TEKT1: variants seen among roughly 807,000 people sequenced by gnomAD.
TEKT1 encodes the protein tektin 1.
In TEKT1, 32 loss-of-function variants were observed where a neutral mutation model predicts 34.8. The ratio of observed to expected loss-of-function variants is 0.92; its 90% CI spans 0.69 to 1.23. The LOEUF (loss-of-function observed/expected upper bound fraction) is 1.23. Ranked by LOEUF, TEKT1 falls within the 50% of genes most tolerant of loss-of-function variation. The probability of loss-of-function intolerance (pLI) is 0.00; values close to 1 mark genes in which losing one functional copy is unlikely to be tolerated. For synonymous variants in TEKT1, 207 were observed against 199.8 expected (o/e 1.04, Z -0.30); for missense variants, 492 against 518.5 (o/e 0.95, Z 0.50).
intron 2 of TEKT1, among the ~76,000 whole-genome samples, chr17:6,820,872 G>A (rs1977078039): frequency 6.6e-6 from 1 of 152,118 alleles, no homozygotes; most frequent in Admixed American, 6.5e-5. Context: ...ATGCATGTGA[G>A]GTAAAGTTTT....
chr17:6,829,843 A>T (rs1314493479), intron 2 of TEKT1, among the ~76,000 whole-genome samples: 1 of 152,038 alleles, frequency 6.6e-6, no homozygotes, highest in Non-Finnish European at 1.5e-5. Context: ...TATTCTGATG[A>T]TTAATTTTTG....
intron 2 of TEKT1, among the ~76,000 whole-genome samples, 199 bp from the exon 3 acceptor site, chr17:6,819,557 AT>A (rs1977057933): frequency 6.6e-6 from 1 of 152,222 alleles, no homozygotes; most frequent in African/African-American, 2.4e-5. Context: ...TACAGTCCAC[AT>A]CAGATTTATC....
intron 2 of TEKT1, among the ~76,000 whole-genome samples, chr17:6,819,930 C>T (rs113759957): frequency 0.047 from 7,116 of 152,228 alleles, 529 homozygotes; most frequent in African/African-American, 0.16. Flanking sequence ...CCTCGTGATC[C>T]GCCTGCCTCG....
At chr17:6,822,148 C>G (rs2151590283) in intron 2 of TEKT1, among the ~76,000 whole-genome samples, 1 of 152,178 alleles carries the variant, frequency 6.6e-6, no homozygotes, top group African/African-American at 2.4e-5. Flanking sequence ...TCATCTTCTT[C>G]TTTTTAGAGA....
At chr17:6,812,666 C>T (rs775934316) in intron 6 of TEKT1, among the ~76,000 whole-genome samples, 165 bp downstream of exon 6, 11 of 152,348 alleles carry the variant, frequency 7.2e-5, no homozygotes, top group Middle Eastern at 3.4e-3. Context: ...CCCAAAAATG[C>T]AAAGCCTGCT....
At chr17:6,828,048 G>A (rs545911775) in intron 2 of TEKT1, among the ~76,000 whole-genome samples, 18 of 152,064 alleles carry the variant, frequency 1.2e-4, no homozygotes, top group South Asian at 6.2e-4. Flanking sequence ...TGGTTCAAGC[G>A]ATTCTCCTGC....
chr17:6,823,600 A>C (rs928254531), intron 2 of TEKT1, among the ~76,000 whole-genome samples: 2 of 152,116 alleles, frequency 1.3e-5, no homozygotes, highest in African/African-American at 4.8e-5. Context: ...TGCTTAATCC[A>C]CCATGTAGAT....
rs577554111 is a variant in TEKT1, at chr17:6,806,193, G to T, written c.853-5250C>A. Among the ~76,000 whole-genome samples, 56 of 152,316 alleles carry T rather than the reference G, an allele frequency of 3.7e-4. 2 individuals carry two copies. Among genetic ancestry groups the T allele is most frequent in the Admixed American group, 3.5e-3 (54 of 15,302 alleles). ...ATATTTAGGATAGTTAGCTCTTCTT[G>T]TTGAATTGATCCCTTTACCATTATG... On this transcript the variant is annotated intron_variant, in intron 6 of 7. Transcript: ENST00000338694.
intron 2 of TEKT1, 113 bp from the exon 3 acceptor site, chr17:6,819,471 T>C (rs888282390): frequency 3.7e-6 from 4 of 1,081,292 alleles, no homozygotes; most frequent in Non-Finnish European, 5.1e-6. Flanking sequence ...CTTTTCCTCT[T>C]AGTGCTGTGC....
rs138198972 is a variant in TEKT1 at position 6,800,126 on chromosome 17, G to C, written c.1158C>G (p.Asp386Glu). The C allele has an allele frequency of 1.2e-6, 2 of 1,614,112 alleles. No individual in the cohort carries two copies. Among genetic ancestry groups the C allele is most frequent in the Non-Finnish European group, 1.7e-6 (2 of 1,180,054 alleles). ...IQVKENTIYI[D>E]EVLCMQMRKS... is the part of the protein sequence containing the mutation. ...TCCTCATCTGCATACACAGCACTTCGTCGATATAAATGGTGTTCTCTTTGA... is the reference window on the plus strand; with the variant it reads ...TCCTCATCTGCATACACAGCACTTCCTCGATATAAATGGTGTTCTCTTTGA... The change falls in exon 8 of 8, where the codon GAC becomes GAG. Residue 386 changes from aspartate (D) to glutamate (E), a missense_variant. Coordinates refer to ENST00000338694, the MANE Select transcript of TEKT1 (RefSeq NM_053285.2).
Position 6,815,298 on chromosome 17 carries a change from C to T in TEKT1, c.494G>A (p.Arg165His), listed in dbSNP as rs879790277. The stretch of plus-strand genomic sequence containing the variant: ...CTTCTCAAGATTGTACTTGGCAGAG[C>T]GGTTCATCCTGAAGGGAGAAAGTAA... ...EEASEQIRMNRSAKYNLEKDL... is the reference protein window; with the variant it reads ...EEASEQIRMNHSAKYNLEKDL... The change falls in exon 5 of 8, where the codon CGC becomes CAC. Residue 165 changes from arginine (R) to histidine (H), a missense_variant. Coordinates refer to ENST00000338694, the MANE Select transcript of TEKT1 (RefSeq NM_053285.2). The T allele has an allele frequency of 3.7e-6, 6 of 1,614,196 alleles. No homozygotes were observed. In the East Asian group the frequency reaches 8.9e-5, roughly 24 times the overall value.
At chr17:6,823,410 C>T (rs1228678054) in intron 2 of TEKT1, among the ~76,000 whole-genome samples, 2 of 152,038 alleles carry the variant, frequency 1.3e-5, no homozygotes, top group African/African-American at 2.4e-5. Flanking sequence ...TCTACTGTTG[C>T]TTCCTCTCTA....
intron 1 of TEKT1, among the ~76,000 whole-genome samples, chr17:6,831,026 AAGGAGGAGG>A (rs57509315): frequency 4.0e-5 from 6 of 149,992 alleles, no homozygotes; most frequent in East Asian, 3.9e-4. Flanking sequence ...GAGGAAGAAG[AAGGAGGAGG>A]AGGAGGAGGA....
At chr17:6,824,844 G>A (rs1189455051) in intron 2 of TEKT1, among the ~76,000 whole-genome samples, 1 of 152,118 alleles carries the variant, frequency 6.6e-6, no homozygotes, top group Non-Finnish European at 1.5e-5. Context: ...GTTCATCTTG[G>A]GACATACTTA....
Position 6,811,115 on chromosome 17 carries a change from T to C in TEKT1, c.852+1716A>G, listed in dbSNP as rs1597788073. On this transcript the variant is annotated intron_variant, in intron 6 of 7. Transcript: ENST00000338694. This position sits in a 1 kb window ranked among gnomAD's most constrained non-coding sequence, Gnocchi z 4.4. ...TCCTTAGCCTCTTCTCTTCCTCTCT[T>C]CTCTTCTCAGTGCTCTCCCATCCTC... 6.6e-6 allele frequency among the ~76,000 whole-genome samples: 1 copy of C among 152,196 alleles called. No homozygotes were observed. Among genetic ancestry groups the C allele is most frequent in the Non-Finnish European group, 1.5e-5 (1 of 68,008 alleles).
chr17:6,827,352 C>T (rs1310883629), intron 2 of TEKT1, among the ~76,000 whole-genome samples: 4 of 151,080 alleles, frequency 2.6e-5, no homozygotes, highest in Non-Finnish European at 5.9e-5. Context: ...ACCTCCGCCT[C>T]CCGGGTTCAA....
rs1412568651 is a variant in TEKT1 at position 6,811,345 on chromosome 17, A to G, written c.852+1486T>C. Among the ~76,000 whole-genome samples, 6 of 151,862 alleles carry G rather than the reference A, an allele frequency of 4.0e-5. No individual in the cohort carries two copies. Among genetic ancestry groups the G allele is most frequent in the Admixed American group, 6.6e-5 (1 of 15,244 alleles). On this transcript the variant is annotated intron_variant, in intron 6 of 7. Transcript: ENST00000338694. The surrounding 1 kb of genome is among the most constrained non-coding windows in gnomAD (Gnocchi z 4.4). ...GTGTGTGTGTGTGTGAAATGTATAC[A>G]TGCCAGGCACTGTTCTAAATATTTT...
chr17:6,806,532 C>T (rs1235552194), intron 6 of TEKT1, among the ~76,000 whole-genome samples: 2 of 152,168 alleles, frequency 1.3e-5, no homozygotes, highest in Non-Finnish European at 2.9e-5. Flanking sequence ...GATTATTTTG[C>T]TCATGAGTTG....
chr17:6,802,558 T>C (rs1024014400), intron 6 of TEKT1, among the ~76,000 whole-genome samples: 1 of 152,124 alleles, frequency 6.6e-6, no homozygotes, highest in Non-Finnish European at 1.5e-5. Flanking sequence ...TGTATACATG[T>C]GCCATGTTGG....
Sources: allele counts gnomAD v4.1 joint callset (sites outside exome capture counted in the v4.1 genomes callset), GRCh38; gene constraint gnomAD v4.1.1; non-coding constraint Gnocchi (gnomAD v3.1); transcripts MANE v1.5; gene names NCBI Gene and HGNC (gene_info 2026-07-23, HGNC 2026-07-21).